Variants in SEC24B observed in about 807,000 individuals in gnomAD.
SEC24B encodes the protein SEC24 homolog B, COPII component.
A neutral mutation model predicts 142.8 loss-of-function variants in SEC24B; 45 were observed. The observed-to-expected ratio is 0.32, with a 90% CI of 0.25 to 0.40. The LOEUF (loss-of-function observed/expected upper bound fraction) is 0.40, where lower values mean the gene tolerates loss of function less well. Ranked by LOEUF, SEC24B falls within the 10% of genes least tolerant of loss-of-function variation. The pLI, the probability that SEC24B is intolerant of heterozygous loss-of-function variation, is 1.00. For missense variants in SEC24B, 1,409 were observed against 1,526.8 expected, an observed-to-expected ratio of 0.92 and a Z score of 1.29; for synonymous variants, 574 against 568.2, an observed-to-expected ratio of 1.01 and a Z score of -0.15.
intron 7 of SEC24B, among the ~76,000 whole-genome samples, chr4:109,509,308 C>G (rs558611398): frequency 6.6e-6 from 1 of 152,302 alleles, no homozygotes; most frequent in South Asian, 2.1e-4. Flanking sequence ...TCTTGCCTGG[C>G]TTTCAGTACT....
intron 2 of SEC24B, 136 bp downstream of exon 2, chr4:109,463,780 T>C (rs1731564436): frequency 1.5e-6 from 2 of 1,359,018 alleles, no homozygotes; most frequent in Non-Finnish European, 2.0e-6. Flanking sequence ...TGTGGCTTTT[T>C]GTAGCACCTC....
At chr4:109,523,804 T>C (rs1026114182) in intron 14 of SEC24B, among the ~76,000 whole-genome samples, 3 of 152,142 alleles carry the variant, frequency 2.0e-5, no homozygotes, top group Non-Finnish European at 4.4e-5. Flanking sequence ...ATAAAGAATG[T>C]TTTGTTTATT....
Position 109,531,511 on chromosome 4 carries a change from T to C in SEC24B, c.3379T>C (p.Leu1127=), listed in dbSNP as rs377200788. 8.1e-6 allele frequency: 13 copies of C among 1,607,598 alleles called. No individual in the cohort carries two copies. The African/African-American group carries it at 1.6e-4, about 20-fold the overall frequency. The part of the protein sequence containing the change: ...IHPNLYRIDR[L]TDEGAVHVND... ...TCCCAACTTATACAGGATAGACAGA[T>C]TGACAGATGAGGTATGTATTTTAGT... The change falls in exon 20 of 24, where the codon TTG becomes CTG. Residue 1127 remains leucine, a synonymous_variant. Coordinates refer to ENST00000265175, the MANE Select transcript of SEC24B (RefSeq NM_006323.5).
chr4:109,508,594 AT>A (rs1395878527), intron 7 of SEC24B, among the ~76,000 whole-genome samples: 4 of 152,042 alleles, frequency 2.6e-5, no homozygotes, highest in African/African-American at 7.2e-5. Context: ...TTAAAAAAAA[AT>A]ATGTTGCATA....
intron 11 of SEC24B, 35 bp from the exon 12 acceptor site, chr4:109,520,331 C>T (rs762138277): frequency 1.2e-5 from 14 of 1,171,896 alleles, no homozygotes; most frequent in Non-Finnish European, 1.7e-5. Flanking sequence ...TGTTACTGAG[C>T]ACTCTGAATT....
chr4:109,505,920 CAT>C (rs1460121901), intron 6 of SEC24B, among the ~76,000 whole-genome samples: 5 of 152,032 alleles, frequency 3.3e-5, no homozygotes, highest in African/African-American at 4.8e-5. Context: ...ATATTAAAAA[CAT>C]AGGAAACAAA....
At chr4:109,450,686 A>G (rs1177500637) in intron 1 of SEC24B, 1 of 151,170 alleles carries the variant, frequency 6.6e-6, no homozygotes, top group Admixed American at 6.6e-5. Flanking sequence ...TTTACTCACT[A>G]ATTTTAGCAT....
chr4:109,505,459 CAG>C (rs1402863522), intron 6 of SEC24B, among the ~76,000 whole-genome samples: 1 of 151,972 alleles, frequency 6.6e-6, no homozygotes, highest in Non-Finnish European at 1.5e-5. Flanking sequence ...CAAAAGAGAA[CAG>C]AGATACCGGT....
At position 109,463,078 on chromosome 4, in the gene SEC24B, C is replaced by G. The variant is rs1731461111; in HGVS notation, c.311C>G (p.Pro104Arg). 6.2e-7 allele frequency: 1 copy of G among 1,614,174 alleles called. No homozygotes were observed. The highest frequency in any genetic ancestry group is 1.3e-5 in the African/African-American group (1 of 75,056). The change falls in exon 2 of 24, where the codon CCT becomes CGT. Residue 104 changes from proline (P) to arginine (R), a missense_variant. By Grantham distance (103) the Pro-to-Arg change is moderately radical. Transcript: ENST00000265175. ...ACAGTACCAACACAAAATGTGACTC[C>G]TAACACAGTGAACCAGCAACCAGGA... ...LYTVPTQNVT[P>R]NTVNQQPGAQ...
chr4:109,458,426 A>T (rs187024715), intron 1 of SEC24B, among the ~76,000 whole-genome samples: 49 of 152,260 alleles, frequency 3.2e-4, no homozygotes, highest in Non-Finnish European at 6.5e-4. Flanking sequence ...GCATCCTGAC[A>T]TCTCCCACTT....
intron 16 of SEC24B, 60 bp downstream of exon 16, chr4:109,525,564 T>G: frequency 8.3e-7 from 1 of 1,200,040 alleles, no homozygotes; most frequent in Non-Finnish European, 1.2e-6. Flanking sequence ...CAGTGAGCAT[T>G]CCATGTATTG....
intron 21 of SEC24B, 82 bp downstream of exon 21, chr4:109,532,825 C>A: frequency 1.5e-6 from 1 of 681,710 alleles, no homozygotes; most frequent in Non-Finnish European, 2.6e-6. Context: ...CAGCTGTTAT[C>A]ACAGAGCAAG....
At position 109,494,680 on chromosome 4, in the gene SEC24B, G is replaced by A. The variant is rs1460842677; in HGVS notation, c.1312G>A (p.Ala438Thr). 6.2e-7 allele frequency: 1 copy of A among 1,613,918 alleles called. No individual in the cohort carries two copies. The highest frequency in any genetic ancestry group is 8.5e-7 in the Non-Finnish European group (1 of 1,179,976). ...CGCCCCTGAACCTGATCCTGCTTCT[G>A]CTCCAGCTCCAGCTTCAGCTCCAGC... is the stretch of plus-strand genomic sequence containing the variant. The part of the protein sequence containing the change: ...DPAPEPDPAS[A>T]PAPASAPAPV... The change falls in exon 6 of 24, where the codon GCT (alanine) becomes ACT (threonine). Residue 438 changes from alanine to threonine, a missense_variant. Transcript: ENST00000265175.
intron 3 of SEC24B, among the ~76,000 whole-genome samples, chr4:109,481,115 G>A (rs544988875): frequency 5.3e-5 from 8 of 150,718 alleles, no homozygotes; most frequent in South Asian, 2.1e-4. Flanking sequence ...CCAGCCCCCC[G>A]TCCCCCACTC....
At chr4:109,498,429 C>G (rs1389799753) in intron 6 of SEC24B, among the ~76,000 whole-genome samples, 2 of 152,150 alleles carry the variant, frequency 1.3e-5, no homozygotes, top group Non-Finnish European at 2.9e-5. Flanking sequence ...GCAATCTCGG[C>G]TCGCGGCTCA....
At position 109,463,486 on chromosome 4, in the gene SEC24B, T is replaced by C; in HGVS notation, c.719T>C (p.Leu240Pro). ...ACAGCTATCAGCCATCCATCGCCAC[T>C]TCCACCTCTACCATCACAACAGCAC... The part of the protein sequence containing the change: ...QNTAISHPSP[L>P]PPLPSQQHHQ... Residue 240 changes from leucine to proline, a missense_variant, in exon 2 of 24, where the codon CTT becomes CCT. Physicochemically the swap from Leu to Pro is moderately conservative, Grantham distance 98. This residue lies in a region of SEC24B where 709 missense variants were observed against 673.5 expected (regional missense o/e 1.05). Coordinates refer to ENST00000265175, the MANE Select transcript of SEC24B (RefSeq NM_006323.5). The C allele has an allele frequency of 6.2e-7, 1 of 1,614,154 alleles. No homozygotes were observed. Among genetic ancestry groups the C allele is most frequent in the Non-Finnish European group, 8.5e-7 (1 of 1,180,020 alleles).
chr4:109,468,132 C>T (rs955241898), intron 2 of SEC24B, among the ~76,000 whole-genome samples: 2 of 152,044 alleles, frequency 1.3e-5, no homozygotes, highest in Non-Finnish European at 2.9e-5. Flanking sequence ...ATTAGACAAC[C>T]ACATTGGAAA....
intron 7 of SEC24B, among the ~76,000 whole-genome samples, chr4:109,507,113 C>G (rs1736767927): frequency 6.6e-6 from 1 of 152,086 alleles, no homozygotes; most frequent in South Asian, 2.1e-4. Flanking sequence ...TTACTCACTT[C>G]ACAGTGCCTC....
chr4:109,520,614 T>A, intron 12 of SEC24B, 130 bp downstream of exon 12: 1 of 691,242 alleles, frequency 1.4e-6, no homozygotes, highest in Non-Finnish European at 2.6e-6. Flanking sequence ...TCAAAATAAT[T>A]GTTTTTCTGG....
Sources: allele counts gnomAD v4.1 joint callset (sites outside exome capture counted in the v4.1 genomes callset), GRCh38; gene constraint gnomAD v4.1.1; regional missense constraint gnomAD v4.1.1; transcripts MANE v1.5; gene names NCBI Gene and HGNC (gene_info 2026-07-23, HGNC 2026-07-21).